The following TDRD5 variants were observed in gnomAD, a reference collection of about 807,000 sequenced individuals.
TDRD5 encodes the protein tudor domain containing 5, also known as tudor domain-containing protein 5.
A neutral mutation model predicts 120.6 loss-of-function variants in TDRD5; 41 were observed. The observed-to-expected ratio is 0.34, with a 90% CI of 0.26 to 0.44. TDRD5 has a LOEUF of 0.44. Ranked by LOEUF, TDRD5 falls within the 20% of genes least tolerant of loss-of-function variation. The probability of loss-of-function intolerance (pLI) is 1.00; values close to 1 mark genes in which losing one functional copy is unlikely to be tolerated. For missense variants in TDRD5, 1,006 were observed against 1,221.2 expected (o/e 0.82, Z 2.63); for synonymous variants, 430 against 433.7 (o/e 0.99, Z 0.11).
intron 17 of TDRD5, among the ~76,000 whole-genome samples, chr1:179,688,864 C>CG (rs1345744748): frequency 1.3e-5 from 2 of 152,204 alleles, no homozygotes; most frequent in African/African-American, 4.8e-5. Flanking sequence ...GCATGCATCA[C>CG]GCAGTTCTCA....
chr1:179,615,109 A>G (rs1676494366), intron 4 of TDRD5, among the ~76,000 whole-genome samples: 1 of 152,096 alleles, frequency 6.6e-6, no homozygotes, highest in Non-Finnish European at 1.5e-5. Flanking sequence ...CCATATAAGT[A>G]AGATCATGTG....
upstream of TDRD5, chr1:179,591,801 G>A (rs1675119216): frequency 1.3e-5 from 2 of 152,584 alleles, no homozygotes; most frequent in Admixed American, 6.5e-5. Context: ...CGCCCCGGGA[G>A]AGGCCTGCTG....
At chr1:179,686,304 T>G (rs918829743) in intron 17 of TDRD5, among the ~76,000 whole-genome samples, 4 of 152,170 alleles carry the variant, frequency 2.6e-5, no homozygotes, top group Non-Finnish European at 5.9e-5. Flanking sequence ...AGATAATCAC[T>G]TGGTTTTTGT....
chr1:179,620,719 A>G (rs1388557277), intron 5 of TDRD5, among the ~76,000 whole-genome samples: 4 of 152,080 alleles, frequency 2.6e-5, no homozygotes, highest in Non-Finnish European at 5.9e-5. Flanking sequence ...ACTGTGCTAT[A>G]GGATGTTTTA....
At chr1:179,665,307 T>C (rs1558417662) in intron 16 of TDRD5, among the ~76,000 whole-genome samples, 2 of 152,166 alleles carry the variant, frequency 1.3e-5, no homozygotes, top group Non-Finnish European at 2.9e-5. Context: ...TCTCCCCTAA[T>C]AAGCCATTGT....
At chr1:179,686,197 A>C (rs565950608) in intron 17 of TDRD5, among the ~76,000 whole-genome samples, 26 of 152,256 alleles carry the variant, frequency 1.7e-4, no homozygotes, top group Admixed American at 9.2e-4. Flanking sequence ...AATAGCTCTT[A>C]TTATTTTGAG....
intron 17 of TDRD5, among the ~76,000 whole-genome samples, chr1:179,682,902 G>T (rs1680506132): frequency 6.6e-6 from 1 of 152,072 alleles, no homozygotes; most frequent in Non-Finnish European, 1.5e-5. Context: ...TGATTATTCT[G>T]CCTGCTGCTT....
At chr1:179,627,188 C>T (rs919422348) in intron 6 of TDRD5, among the ~76,000 whole-genome samples, 5 of 152,304 alleles carry the variant, frequency 3.3e-5, no homozygotes, top group African/African-American at 1.2e-4. Flanking sequence ...GCCAGACAAG[C>T]TATTACCACC....
intron 9 of TDRD5, among the ~76,000 whole-genome samples, chr1:179,636,513 G>A (rs1677771652): frequency 6.6e-6 from 1 of 152,204 alleles, no homozygotes; most frequent in Non-Finnish European, 1.5e-5. Flanking sequence ...CTAATTTCAA[G>A]ATGGCAATAG....
At chr1:179,672,785 T>G (rs1679923950) in intron 17 of TDRD5, among the ~76,000 whole-genome samples, 1 of 152,168 alleles carries the variant, frequency 6.6e-6, no homozygotes, top group African/African-American at 2.4e-5. Flanking sequence ...GGGTGAGAGA[T>G]GAGGATCTAA....
At chr1:179,667,181 T>C (rs1466594957) in intron 16 of TDRD5, among the ~76,000 whole-genome samples, 1 of 152,208 alleles carries the variant, frequency 6.6e-6, no homozygotes, top group Non-Finnish European at 1.5e-5. Flanking sequence ...TCTAGGTTAC[T>C]GTTAGAAGGG....
intron 14 of TDRD5, among the ~76,000 whole-genome samples, chr1:179,656,825 G>C (rs1242560902): frequency 6.6e-6 from 1 of 152,182 alleles, no homozygotes; most frequent in African/African-American, 2.4e-5. Context: ...GCCAAGGTGG[G>C]TGGATTACCT....
At chr1:179,659,550 CGT>C (rs71569263) in intron 14 of TDRD5, among the ~76,000 whole-genome samples, 14,546 of 129,728 alleles carry the variant, frequency 0.11, 1,619 homozygotes, top group African/African-American at 0.3. Flanking sequence ...TTCCAGTTTT[CGT>C]GTGTGTGTGT....
chr1:179,655,481 G>T (rs1230649353), intron 14 of TDRD5, among the ~76,000 whole-genome samples: 1 of 151,798 alleles, frequency 6.6e-6, no homozygotes, highest in East Asian at 1.9e-4. Context: ...AAAATTGACT[G>T]TTTTGGTGTA....
chr1:179,627,631 T>G (rs1677201125), intron 6 of TDRD5, among the ~76,000 whole-genome samples: 1 of 152,146 alleles, frequency 6.6e-6, no homozygotes, highest in African/African-American at 2.4e-5. Context: ...AAAACTAGGT[T>G]CACATTAGAG....
At position 179,615,057 on chromosome 1, in the gene TDRD5, C is replaced by T. The variant is rs1200231736; in HGVS notation, c.832-3542C>T. Among the ~76,000 whole-genome samples, 4 of 152,082 alleles carry T rather than the reference C, an allele frequency of 2.6e-5. No homozygotes were observed. In the East Asian group the frequency reaches 5.8e-4, roughly 22 times the overall value. On this transcript the variant is annotated intron_variant, in intron 4 of 17. Transcript: ENST00000444136. ...CCCACCCCTCAGTGTCTGGTAACCA[C>T]GATTTTACTCTGTGTCTACAAGTTT...
Position 179,652,051 on chromosome 1 carries a change from C to A in TDRD5, c.2014C>A (p.Leu672Ile). ...ENISSKGFSE[L>I]NPLALYTTSS... ...TTTTTAATCTTAGGGTTTCAGTGAG[C>A]TCAACCCTTTAGCTTTATACACGAC... The change falls in exon 13 of 18, where the codon CTC becomes ATC. Residue 672 changes from leucine to isoleucine, a missense_variant. By Grantham distance (5) the Leu-to-Ile change is conservative. This residue lies in a region of TDRD5 where 403 missense variants were observed against 448.1 expected (regional missense o/e 0.90). Transcript: ENST00000444136. The A allele has an allele frequency of 6.2e-7, 1 of 1,612,902 alleles. No individual in the cohort carries two copies. The highest frequency in any genetic ancestry group is 8.5e-7 in the Non-Finnish European group (1 of 1,179,798).
intron 11 of TDRD5, among the ~76,000 whole-genome samples, chr1:179,648,457 G>GGT (rs1678522273): frequency 1.8e-5 from 1 of 54,110 alleles, no homozygotes; most frequent in South Asian, 8.4e-4. Context: ...TGGGGTGGGG[G>GGT]GGGGGAGGGA....
chr1:179,626,763 A>AG (rs74880726), intron 6 of TDRD5, among the ~76,000 whole-genome samples: 13,654 of 152,178 alleles, frequency 0.09, 671 homozygotes, highest in Middle Eastern at 0.12. Flanking sequence ...AGAAAATCTT[A>AG]GGAAAAAAAG....
Sources: gnomAD v4.1 joint callset for allele counts (sites outside exome capture counted in the v4.1 genomes callset) on GRCh38, gnomAD v4.1.1 for gene constraint, gnomAD v4.1.1 regional missense constraint, MANE v1.5 for transcripts, NCBI Gene and HGNC (gene_info 2026-07-23, HGNC 2026-07-21) for gene names.